Variants in CORIN observed in about 807,000 individuals in gnomAD.
CORIN encodes atrial natriuretic peptide-converting enzyme.
A neutral mutation model predicts 125.3 loss-of-function variants in CORIN; 117 were observed. The observed-to-expected ratio is 0.93, with a 90% CI of 0.80 to 1.09. The LOEUF (loss-of-function observed/expected upper bound fraction) is 1.09, where lower values mean the gene tolerates loss of function less well. CORIN is among the 50% of genes least tolerant of loss of function. CORIN has a pLI of 0.00. For missense variants in CORIN, 1,253 were observed against 1,306.7 expected, an observed-to-expected ratio of 0.96 and a Z score of 0.63; for synonymous variants, 450 against 466.4, an observed-to-expected ratio of 0.96 and a Z score of 0.45.
chr4:47,642,122 C>T (rs1167995604), intron 15 of CORIN, 73 bp from the exon 16 acceptor site: 5 of 1,484,502 alleles, frequency 3.4e-6, no homozygotes, highest in South Asian at 2.3e-5. Flanking sequence ...ACTTTACATG[C>T]CTCTGCTTCA....
At chr4:47,627,073 T>C (rs1722606921) in intron 16 of CORIN, among the ~76,000 whole-genome samples, 1 of 151,852 alleles carries the variant, frequency 6.6e-6, no homozygotes, top group African/African-American at 2.4e-5. Context: ...AACGTCTGCC[T>C]CAGGGTTCAA....
At chr4:47,763,351 T>C in intron 4 of CORIN, 28 bp downstream of exon 4, 1 of 1,578,336 alleles carries the variant, frequency 6.3e-7, no homozygotes, top group Non-Finnish European at 8.7e-7. Flanking sequence ...CCAACTCTTA[T>C]CACTGAATAA....
chr4:47,744,526 T>A lies in CORIN; in HGVS notation c.675A>T (p.Ser225=), dbSNP rs1473826647. 1.9e-6 allele frequency: 3 copies of A among 1,612,870 alleles called. No homozygotes were observed. The highest frequency in any genetic ancestry group is 2.5e-6 in the Non-Finnish European group (3 of 1,179,572). ...AGGAGTAATTCACCATCCCCAGGAC[T>A]GATTCACAGCCTTCTTTTGCAGCCT... ...FCEAAKEGCE[S]VLGMVNYSWP... is the part of the protein sequence containing the mutation. The change falls in exon 5 of 22, where the codon TCA becomes TCT. Residue 225 remains serine (S), a synonymous_variant. Transcript: ENST00000273857.
chr4:47,807,761 A>G (rs1402870125), intron 1 of CORIN, among the ~76,000 whole-genome samples: 2 of 152,218 alleles, frequency 1.3e-5, no homozygotes, highest in Non-Finnish European at 2.9e-5. Flanking sequence ...GCTTAGTTCA[A>G]TCTCTTGCCA....
At chr4:47,661,537 TG>T (rs1724249280) in intron 12 of CORIN, 173 bp downstream of exon 12, 1 of 555,848 alleles carries the variant, frequency 1.8e-6, no homozygotes, top group Non-Finnish European at 3.1e-6. Context: ...ATCTAACAGA[TG>T]AGTGCCAAAT....
In CORIN at chr4:47,815,743, C is replaced by T. The variant is rs187087205; in HGVS notation, c.64-8696G>A. ...ATATTTTTTAAAACAATAGAGAATACGGGGGGAAAGAGAGTTGGGTTATCC... is the reference window on the plus strand; with the variant it reads ...ATATTTTTTAAAACAATAGAGAATATGGGGGGAAAGAGAGTTGGGTTATCC... On this transcript the variant is annotated intron_variant, in intron 1 of 21. Transcript: ENST00000273857. Among the ~76,000 whole-genome samples, 19 of 151,930 alleles carry T rather than the reference C, an allele frequency of 1.3e-4. No individual in the cohort carries two copies. In the East Asian group the frequency reaches 2.5e-3, roughly 20 times the overall value.
intron 5 of CORIN, among the ~76,000 whole-genome samples, chr4:47,713,730 C>T (rs1560516528): frequency 6.6e-6 from 1 of 152,078 alleles, no homozygotes; most frequent in Non-Finnish European, 1.5e-5. Context: ...CTCCACATTT[C>T]CAATCTATTT....
chr4:47,667,161 CTT>C (rs1724517644), intron 10 of CORIN, among the ~76,000 whole-genome samples: 1 of 152,212 alleles, frequency 6.6e-6, no homozygotes, highest in Non-Finnish European at 1.5e-5. Context: ...TCATTCTTCT[CTT>C]GTCTGCCACC....
intron 2 of CORIN, chr4:47,790,192 C>T: frequency 1.0e-6 from 1 of 984,966 alleles, no homozygotes; most frequent in Non-Finnish European, 1.2e-6. Flanking sequence ...AAAGTCTTAA[C>T]TGCCATAAAG....
At chr4:47,766,609 T>A (rs922121546) in intron 3 of CORIN, among the ~76,000 whole-genome samples, 1 of 151,990 alleles carries the variant, frequency 6.6e-6, no homozygotes, top group Non-Finnish European at 1.5e-5. Context: ...CAGAAACCTT[T>A]GCCAGAAAAA....
intron 1 of CORIN, 47 bp from the exon 2 acceptor site, chr4:47,807,094 A>C (rs376386829): frequency 6.7e-7 from 1 of 1,490,594 alleles, no homozygotes; most frequent in East Asian, 2.3e-5. Flanking sequence ...TTTACAATAC[A>C]TGGTATGAAA....
chr4:47,688,687 A>C (rs181115133), intron 6 of CORIN, among the ~76,000 whole-genome samples: 28 of 152,358 alleles, frequency 1.8e-4, no homozygotes, highest in Admixed American at 1.8e-3. Context: ...ATAAAGAAAG[A>C]AACCATGGCT....
intron 4 of CORIN, among the ~76,000 whole-genome samples, chr4:47,761,013 C>T (rs1403336914): frequency 6.6e-6 from 1 of 152,228 alleles, no homozygotes; most frequent in African/African-American, 2.4e-5. Context: ...CAATCTTGCT[C>T]TAGATTAGGC....
intron 10 of CORIN, among the ~76,000 whole-genome samples, chr4:47,668,164 A>T (rs1231999465): frequency 6.6e-6 from 1 of 152,248 alleles, no homozygotes; most frequent in Non-Finnish European, 1.5e-5. Context: ...TATAAGCAAT[A>T]ATGATTTGTT....
At chr4:47,636,401 C>T (rs1723029285) in intron 16 of CORIN, among the ~76,000 whole-genome samples, 1 of 152,122 alleles carries the variant, frequency 6.6e-6, no homozygotes, top group Non-Finnish European at 1.5e-5. Flanking sequence ...TTTGTATCAT[C>T]AATTAAATAA....
In CORIN at chr4:47,695,113, TGCAC is replaced by T. The variant is rs1425658076; in HGVS notation, c.800-2034_800-2031del. On this transcript the variant is annotated intron_variant, in intron 5 of 21. Transcript: ENST00000273857. ...GGTGTCAGAAGATTCCGCACAGGAG[TGCAC>T]TCCTATACCTACAAATACAGACTCC... 3.6e-4 allele frequency among the ~76,000 whole-genome samples: 55 copies of T among 152,202 alleles called. 1 individual carries two copies. In the South Asian group the frequency reaches 0.011, roughly 29 times the overall value.
chr4:47,811,181 T>C (rs1438986493), intron 1 of CORIN, among the ~76,000 whole-genome samples: 1 of 152,060 alleles, frequency 6.6e-6, no homozygotes, highest in Non-Finnish European at 1.5e-5. Flanking sequence ...ATAGCCAGAG[T>C]AAGAAAGAGG....
chr4:47,801,773 C>T (rs992740631), intron 2 of CORIN, among the ~76,000 whole-genome samples: 13 of 152,238 alleles, frequency 8.5e-5, no homozygotes, highest in Admixed American at 6.5e-4. Flanking sequence ...AGCCTCACCA[C>T]TGCAGGCTGG....
chr4:47,596,311 A>C (rs529336031), intron 21 of CORIN, among the ~76,000 whole-genome samples: 35 of 152,270 alleles, frequency 2.3e-4, no homozygotes, highest in African/African-American at 7.7e-4. Context: ...TCCCCCCCAC[A>C]CACAGTACTG....
Sources: allele counts gnomAD v4.1 joint callset (sites outside exome capture counted in the v4.1 genomes callset), GRCh38; gene constraint gnomAD v4.1.1; transcripts MANE v1.5; gene names NCBI Gene and HGNC (gene_info 2026-07-23, HGNC 2026-07-21).